Variants in SORCS3 observed in about 807,000 individuals in gnomAD.
SORCS3 encodes the protein sortilin related VPS10 domain containing receptor 3.
In SORCS3, 57 loss-of-function variants were observed where a neutral mutation model predicts 146.3. That is an observed-to-expected ratio of 0.39 (90% CI 0.31 to 0.49). The LOEUF (loss-of-function observed/expected upper bound fraction) is 0.49. Among genes scored for constraint, SORCS3 ranks in the 20% least tolerant of loss-of-function variants. The pLI is 0.92. For missense variants in SORCS3, 1,341 were observed against 1,575.5 expected (o/e 0.85, Z 2.52); for synonymous variants, 653 against 618.5 (o/e 1.06, Z -0.83).
intron 9 of SORCS3, among the ~76,000 whole-genome samples, chr10:105,148,413 T>TA (rs1474207847): frequency 6.6e-6 from 1 of 152,134 alleles, no homozygotes; most frequent in Non-Finnish European, 1.5e-5. Flanking sequence ...CTCCATGTAG[T>TA]AACTGTAGAG....
chr10:104,890,900 C>A (rs1010358658), intron 2 of SORCS3, among the ~76,000 whole-genome samples: 1 of 152,204 alleles, frequency 6.6e-6, no homozygotes, highest in Non-Finnish European at 1.5e-5. Flanking sequence ...TTGAGAACTA[C>A]TGATTTAGAT....
At position 104,747,637 on chromosome 10, in the gene SORCS3, T is replaced by A. The variant is rs569717036; in HGVS notation, c.628-95155T>A. Among the ~76,000 whole-genome samples, 151 of 152,368 alleles carry A rather than the reference T, an allele frequency of 9.9e-4. 1 individual carries two copies. The highest frequency in any genetic ancestry group is 3.4e-3 in the African/African-American group (143 of 41,598). On this transcript the variant is annotated intron_variant, in intron 1 of 26. Coordinates refer to ENST00000369701, the MANE Select transcript of SORCS3 (RefSeq NM_014978.3). ...GGTTGAATTTTGATTATCGAATGCC[T>A]GCTTGATACTGTGCTATGCTCTGTG... is the stretch of plus-strand genomic sequence containing the variant.
chr10:105,147,855 G>T, intron 9 of SORCS3, 59 bp downstream of exon 9: 2 of 1,447,150 alleles, frequency 1.4e-6, no homozygotes, highest in Non-Finnish European at 1.9e-6. Flanking sequence ...GAGTTTTAAT[G>T]GTATAAACAC....
intron 2 of SORCS3, among the ~76,000 whole-genome samples, chr10:104,858,820 T>C (rs557240518): frequency 6.6e-6 from 1 of 151,178 alleles, no homozygotes; most frequent in Non-Finnish European, 1.5e-5. Context: ...ACGGGGTTTT[T>C]CCATGTTAGC....
chr10:104,776,066 G>A (rs1208483284), intron 1 of SORCS3, among the ~76,000 whole-genome samples: 2 of 152,192 alleles, frequency 1.3e-5, no homozygotes, highest in Admixed American at 6.5e-5. Flanking sequence ...TGGGGAGACA[G>A]ACATGTAGGC....
intron 3 of SORCS3, among the ~76,000 whole-genome samples, chr10:104,949,872 A>G (rs2019410440): frequency 1.3e-5 from 2 of 152,232 alleles, no homozygotes; most frequent in African/African-American, 2.4e-5. Flanking sequence ...GATGACTGAG[A>G]GAAGGGAAAC....
Position 104,641,640 on chromosome 10 carries a change from G to A in SORCS3, c.313G>A (p.Ala105Thr). ...CAGAGGCGGTGAGATGCAGGTGGAA[G>A]CCGGAGGGACATCACCGGCAGGCGA... ...GGRGGEMQVE[A>T]GGTSPAGERR... The change falls in exon 1 of 27, where the codon GCC (alanine) becomes ACC (threonine). Residue 105 changes from alanine (A) to threonine (T), a missense_variant. By Grantham distance (58) the Ala-to-Thr change is moderately conservative (BLOSUM62 0). Coordinates refer to ENST00000369701, the MANE Select transcript of SORCS3 (RefSeq NM_014978.3). This position sits in a 1 kb window ranked among gnomAD's most constrained non-coding sequence, Gnocchi z 6.4. The A allele has an allele frequency of 6.6e-7, 1 of 1,526,162 alleles. No homozygotes were observed. Among genetic ancestry groups the A allele is most frequent in the Non-Finnish European group, 8.8e-7 (1 of 1,142,136 alleles). 94.5% of individuals were successfully genotyped at this position (1,526,162 alleles called of 1,614,324 possible). A position where few individuals can be genotyped will look rare whatever the true frequency, so the allele number is the denominator to read the frequency against.
chr10:104,938,114 T>G (rs1050265647), intron 3 of SORCS3, among the ~76,000 whole-genome samples: 3 of 152,194 alleles, frequency 2.0e-5, no homozygotes, highest in Admixed American at 6.5e-5. Flanking sequence ...TGCTTCTTTC[T>G]TTACTGTCGT....
At chr10:105,052,574 C>A (rs1164462314) in intron 5 of SORCS3, among the ~76,000 whole-genome samples, 2 of 151,988 alleles carry the variant, frequency 1.3e-5, no homozygotes, top group South Asian at 4.1e-4. Context: ...CAGAAAAACC[C>A]CCACATAAAG....
At chr10:104,722,527 T>C (rs996419441) in intron 1 of SORCS3, among the ~76,000 whole-genome samples, 1 of 152,212 alleles carries the variant, frequency 6.6e-6, no homozygotes, top group African/African-American at 2.4e-5. Context: ...CTTTTTCTAT[T>C]GATTGGAAAA....
chr10:105,149,959 A>T (rs1008351841), intron 9 of SORCS3, among the ~76,000 whole-genome samples: 2 of 152,222 alleles, frequency 1.3e-5, no homozygotes, highest in Admixed American at 6.5e-5. Flanking sequence ...CACTGCATCT[A>T]TAGAGAAGAC....
intron 22 of SORCS3, among the ~76,000 whole-genome samples, chr10:105,249,897 G>C (rs1274708656): frequency 6.6e-6 from 1 of 151,668 alleles, no homozygotes; most frequent in African/African-American, 2.4e-5. Flanking sequence ...AAACCAAAAA[G>C]AAAAAACAAA....
At chr10:105,108,897 C>T (rs1373288160) in intron 7 of SORCS3, among the ~76,000 whole-genome samples, 1 of 152,124 alleles carries the variant, frequency 6.6e-6, no homozygotes, top group Admixed American at 6.5e-5. Flanking sequence ...CCTTTTTCTT[C>T]TCACAGGTGA....
At chr10:104,825,847 G>A (rs888397781) in intron 1 of SORCS3, among the ~76,000 whole-genome samples, 7 of 152,128 alleles carry the variant, frequency 4.6e-5, no homozygotes, top group East Asian at 1.9e-4. Flanking sequence ...TTAATGGCTC[G>A]TTACACAAAA....
Position 104,963,708 on chromosome 10 carries a change from G to C in SORCS3, c.796-13627G>C, listed in dbSNP as rs141800445. On this transcript the variant is annotated intron_variant, in intron 3 of 26. Transcript: ENST00000369701. ...CATTGCTCTTCTACTTAACGTCTCTGTTTGGATGTGTATTAAGCATTTCAA... is the reference window on the plus strand; with the variant it reads ...CATTGCTCTTCTACTTAACGTCTCTCTTTGGATGTGTATTAAGCATTTCAA... 4.3e-4 allele frequency among the ~76,000 whole-genome samples: 65 copies of C among 152,160 alleles called. 1 individual carries two copies. In the East Asian group the frequency reaches 8.9e-3, roughly 21 times the overall value.
chr10:105,096,561 T>C (rs2055748203), intron 6 of SORCS3, among the ~76,000 whole-genome samples: 2 of 152,118 alleles, frequency 1.3e-5, no homozygotes, highest in Admixed American at 1.3e-4. Flanking sequence ...CTGCTGTAAG[T>C]ATCATGGAAA....
intron 22 of SORCS3, among the ~76,000 whole-genome samples, chr10:105,251,239 T>C (rs1259115031): frequency 1.3e-5 from 2 of 151,658 alleles, no homozygotes; most frequent in African/African-American, 4.8e-5. Context: ...AAGAGAAGAG[T>C]GGCAGAGCGA....
chr10:104,925,997 C>A (rs2019140696), intron 3 of SORCS3, among the ~76,000 whole-genome samples: 1 of 152,188 alleles, frequency 6.6e-6, no homozygotes, highest in South Asian at 2.1e-4. Context: ...AAGATTGTTA[C>A]TACTGGGATG....
At chr10:105,162,169 T>C (rs1038903910) in intron 11 of SORCS3, among the ~76,000 whole-genome samples, 4 of 152,180 alleles carry the variant, frequency 2.6e-5, no homozygotes, top group Admixed American at 2.0e-4. Context: ...TTTTATTTTT[T>C]TAATATTTAA....
Sources: allele counts gnomAD v4.1 joint callset (sites outside exome capture counted in the v4.1 genomes callset), GRCh38; gene constraint gnomAD v4.1.1; non-coding constraint Gnocchi (gnomAD v3.1); transcripts MANE v1.5; gene names NCBI Gene and HGNC (gene_info 2026-07-23, HGNC 2026-07-21).